The following IQCE variants were observed in gnomAD, a reference collection of about 807,000 sequenced individuals.
IQCE encodes IQ domain-containing protein E.
In IQCE, 115 loss-of-function variants were observed where a neutral mutation model predicts 96.0. The observed-to-expected ratio is 1.20, with a 90% CI of 1.03 to 1.40. The LOEUF is 1.40. IQCE is among the 40% of genes most tolerant of loss of function. The probability of loss-of-function intolerance (pLI) is 0.00; values close to 1 mark genes in which losing one functional copy is unlikely to be tolerated. For synonymous variants in IQCE, 412 were observed against 371.2 expected (o/e 1.11, Z -1.26); for missense variants, 1,041 against 909.1 (o/e 1.15, Z -1.87).
intron 14 of IQCE, among the ~76,000 whole-genome samples, chr7:2,591,616 A>ATTTTTT (rs766125885): frequency 2.5e-5 from 3 of 118,676 alleles, no homozygotes; most frequent in Non-Finnish European, 3.6e-5. Flanking sequence ...TCTGCGGGTG[A>ATTTTTT]TTTTTTTTTT....
intron 1 of IQCE, among the ~76,000 whole-genome samples, chr7:2,559,876 C>T (rs939583338): frequency 5.3e-5 from 8 of 151,482 alleles, no homozygotes; most frequent in South Asian, 2.1e-4. Context: ...GGCCGGGAGC[C>T]GTGGCTCAGG....
Position 2,612,159 on chromosome 7 carries a change from C to T in IQCE, c.*1997C>T, listed in dbSNP as rs1020021621. 2 of 152,246 alleles carry T rather than the reference C, an allele frequency of 1.3e-5. No individual in the cohort carries two copies. Among genetic ancestry groups the T allele is most frequent in the Non-Finnish European group, 2.9e-5 (2 of 68,060 alleles). The allele number at this position is 152,246 out of a possible 1,614,324, so 9.4% of individuals were successfully genotyped here. On this transcript the variant is annotated 3_prime_UTR_variant, in exon 22 of 22. Coordinates refer to ENST00000402050, the MANE Select transcript of IQCE (RefSeq NM_152558.5). ...GTGGCCTAGAGCTTTGGGTTACAGG[C>T]ATGGAGAGGGCTTTCCTGCCTCAGG...
intron 16 of IQCE, among the ~76,000 whole-genome samples, chr7:2,597,960 G>C (rs1005023523): frequency 6.6e-6 from 1 of 152,220 alleles, no homozygotes; most frequent in Non-Finnish European, 1.5e-5. Flanking sequence ...GAGCCACTGC[G>C]CCCAGCCTGA....
intron 1 of IQCE, among the ~76,000 whole-genome samples, chr7:2,562,285 C>CATATATATGTATATAT (rs936597643): frequency 6.8e-6 from 1 of 146,248 alleles, no homozygotes; most frequent in African/African-American, 2.5e-5. Context: ...AATTAGGGTA[C>CATATATATGTATATAT]ATATATATAT....
intron 6 of IQCE, among the ~76,000 whole-genome samples, chr7:2,577,633 G>A (rs1583424603): frequency 9.9e-6 from 1 of 101,016 alleles, no homozygotes; most frequent in African/African-American, 4.1e-5. Flanking sequence ...TGTGCGGCGT[G>A]CACGCATTGG....
At chr7:2,593,756 T>C (rs1270060745) in intron 15 of IQCE, among the ~76,000 whole-genome samples, 1 of 152,230 alleles carries the variant, frequency 6.6e-6, no homozygotes, top group East Asian at 1.9e-4. Context: ...CATGGCTTCC[T>C]TTCTGGGGCG....
chr7:2,566,093 G>A (rs1399480072), intron 1 of IQCE, among the ~76,000 whole-genome samples: 1 of 152,176 alleles, frequency 6.6e-6, no homozygotes, highest in African/African-American at 2.4e-5. Flanking sequence ...GGGACAGGTA[G>A]CACAAATGTC....
At chr7:2,567,479 C>T (rs1781464984) in intron 2 of IQCE, among the ~76,000 whole-genome samples, 2 of 152,190 alleles carry the variant, frequency 1.3e-5, no homozygotes, top group African/African-American at 2.4e-5. Flanking sequence ...AGGAGGAGAG[C>T]CCCTGCTAAT....
Position 2,612,483 on chromosome 7 carries a change from G to T in IQCE, c.*2321G>T, listed in dbSNP as rs1325710930. Reference sequence around the variant, plus strand: ...CAGGGCCTGGGGGCCAGGGGTTCTGGCCCTGCGGGGACTTAGGCAGGAGGG... The same window carrying T: ...CAGGGCCTGGGGGCCAGGGGTTCTGTCCCTGCGGGGACTTAGGCAGGAGGG... On this transcript the variant is annotated 3_prime_UTR_variant, in exon 22 of 22. Coordinates refer to ENST00000402050, the MANE Select transcript of IQCE (RefSeq NM_152558.5). 6.6e-6 allele frequency: 1 copy of T among 152,230 alleles called. No individual in the cohort carries two copies. The highest frequency in any genetic ancestry group is 1.9e-4 in the East Asian group (1 of 5,142). 9.4% of individuals were successfully genotyped at this position (152,230 alleles called of 1,614,324 possible).
chr7:2,607,199 C>G lies in IQCE; in HGVS notation c.1941C>G (p.Ser647=), dbSNP rs370405789. The G allele has an allele frequency of 3.5e-4, 557 of 1,613,746 alleles. No individual in the cohort carries two copies. The highest frequency in any genetic ancestry group is 4.5e-4 in the Non-Finnish European group (528 of 1,179,856). ...CTTCAGCCACACACGGGGACGCCTC[C>G]TCCCCACCCTTCCTCGCAGCTCTTC... ...RSASATHGDA[S]SPPFLAALPD... The change falls in exon 21 of 22, where the codon TCC becomes TCG. Residue 647 remains serine, a synonymous_variant. Transcript: ENST00000402050.
intron 6 of IQCE, among the ~76,000 whole-genome samples, chr7:2,576,450 G>A (rs1403030187): frequency 2.0e-5 from 3 of 151,510 alleles, no homozygotes; most frequent in Admixed American, 6.6e-5. Flanking sequence ...TCTCACTCTC[G>A]TCTAGGCTGG....
rs567144259 is a variant in IQCE at position 2,605,098 on chromosome 7, C to A, written c.1743+107C>A. The A allele has an allele frequency of 2.7e-5, 21 of 778,102 alleles. No homozygotes were observed. The East Asian group carries it at 4.4e-4, about 16-fold the overall frequency. The allele number at this position is 778,102 out of a possible 1,614,324, so 48.2% of individuals were successfully genotyped here. A position where few individuals can be genotyped will look rare whatever the true frequency, so the allele number is the denominator to read the frequency against. Reference sequence around the variant, plus strand: ...CACCCCTCAGCCTCCACATCCCCGCCCGCCCAGCAGGCGTCCCCTGCGCTC... The same window carrying A: ...CACCCCTCAGCCTCCACATCCCCGCACGCCCAGCAGGCGTCCCCTGCGCTC... On this transcript the variant is annotated intron_variant, in intron 19 of 21. Coordinates refer to ENST00000402050, the MANE Select transcript of IQCE (RefSeq NM_152558.5).
intron 9 of IQCE, among the ~76,000 whole-genome samples, chr7:2,583,318 T>C (rs563026711): frequency 6.6e-6 from 1 of 152,322 alleles, no homozygotes; most frequent in South Asian, 2.1e-4. Context: ...TCCAAGGCCT[T>C]TCCGCACCAT....
At chr7:2,607,563 C>G (rs1039173987) in intron 21 of IQCE, 15 of 1,250,124 alleles carry the variant, frequency 1.2e-5, no homozygotes, top group Non-Finnish European at 1.5e-5. Flanking sequence ...GTTTCCTTTT[C>G]TACTTTGTTA....
In IQCE at chr7:2,613,775, C is replaced by T. The variant is rs1308558786; in HGVS notation, c.*3613C>T. On this transcript the variant is annotated 3_prime_UTR_variant, in exon 22 of 22. Coordinates refer to ENST00000402050, the MANE Select transcript of IQCE (RefSeq NM_152558.5). ...CTGTGATGCCAGAGAGGCGTGCAGC[C>T]TCTGGGCAAGTCGGGAGAGGGCTTG... is the stretch of plus-strand genomic sequence containing the variant. 1 of 152,324 alleles carries T rather than the reference C, an allele frequency of 6.6e-6. No individual in the cohort carries two copies. Among genetic ancestry groups the T allele is most frequent in the Non-Finnish European group, 1.5e-5 (1 of 68,096 alleles). 9.4% of individuals were successfully genotyped at this position (152,324 alleles called of 1,614,324 possible).
chr7:2,563,906 A>AG, intron 1 of IQCE, among the ~76,000 whole-genome samples: 1 of 150,738 alleles, frequency 6.6e-6, no homozygotes, highest in Admixed American at 6.6e-5. Flanking sequence ...AAAAAAAAAA[A>AG]AAAAAAAAAA....
At chr7:2,599,804 T>C (rs1583498956) in intron 17 of IQCE, among the ~76,000 whole-genome samples, 1 of 151,834 alleles carries the variant, frequency 6.6e-6, no homozygotes, top group East Asian at 1.9e-4. Flanking sequence ...CTTTTCTTTT[T>C]TTTTTTGAGA....
chr7:2,574,482 G>A (rs973286461), intron 6 of IQCE, among the ~76,000 whole-genome samples: 1 of 152,224 alleles, frequency 6.6e-6, no homozygotes, highest in Non-Finnish European at 1.5e-5. Context: ...CAGAGGCTGC[G>A]CTGCTGAGGA....
intron 8 of IQCE, chr7:2,580,262 T>C (rs1277059176): frequency 6.7e-6 from 1 of 149,320 alleles, no homozygotes; most frequent in African/African-American, 2.5e-5. Flanking sequence ...TATGTGTCAG[T>C]AGGCTACAGT....
Sources: allele counts gnomAD v4.1 joint callset (sites outside exome capture counted in the v4.1 genomes callset), GRCh38; gene constraint gnomAD v4.1.1; transcripts MANE v1.5; gene names NCBI Gene and HGNC (gene_info 2026-07-23, HGNC 2026-07-21).